ARHGEF16: variants seen among roughly 807,000 people sequenced by gnomAD.
The protein encoded by ARHGEF16 is Rho guanine nucleotide exchange factor 16, also known as Rho guanine exchange factor (GEF) 16.
Under a neutral mutation model 74.1 loss-of-function variants are expected in ARHGEF16, and 59 were observed. The ratio of observed to expected loss-of-function variants is 0.80; its 90% CI spans 0.65 to 0.99. ARHGEF16 has a LOEUF of 0.99. Ranked by LOEUF, ARHGEF16 falls within the 50% of genes least tolerant of loss-of-function variation. The pLI is 0.00. For synonymous variants in ARHGEF16, 415 were observed against 412.6 expected, an observed-to-expected ratio of 1.01 and a Z score of -0.07; for missense variants, 948 against 986.6, an observed-to-expected ratio of 0.96 and a Z score of 0.52.
intron 1 of ARHGEF16, among the ~76,000 whole-genome samples, chr1:3,457,594 G>T (rs11809264): frequency 6.6e-6 from 1 of 152,284 alleles, no homozygotes; most frequent in African/African-American, 2.4e-5. Flanking sequence ...GGAGGGCGGG[G>T]CTACAGAGCG....
chr1:3,455,672 G>C (rs1224580989), intron 1 of ARHGEF16, among the ~76,000 whole-genome samples: 1 of 152,150 alleles, frequency 6.6e-6, no homozygotes, highest in African/African-American at 2.4e-5. Context: ...TGGGGGCCTA[G>C]GGGGTGCGTG....
In ARHGEF16 at chr1:3,467,346, G is replaced by A. The variant is rs558060076; in HGVS notation, c.804+9G>A. 60 of 1,544,462 alleles carry A rather than the reference G, an allele frequency of 3.9e-5. No individual in the cohort carries two copies. The highest frequency in any genetic ancestry group is 2.3e-4 in the South Asian group (19 of 83,886). On this transcript the variant is annotated intron_variant, in intron 4 of 14. Coordinates refer to ENST00000378378, the MANE Select transcript of ARHGEF16 (RefSeq NM_014448.4). ...GGAGCCAGCTCCCAGAGGTAGCGCC[G>A]GAGGGTGGGTGAGGCTGCCCCACAG...
chr1:3,458,853 G>C (rs1639325512), intron 1 of ARHGEF16, among the ~76,000 whole-genome samples: 1 of 152,210 alleles, frequency 6.6e-6, no homozygotes, highest in African/African-American at 2.4e-5. Context: ...TAAAGCAAGA[G>C]CAGGATGCCA....
chr1:3,464,400 C>G (rs1157887377), intron 2 of ARHGEF16, among the ~76,000 whole-genome samples: 1 of 152,152 alleles, frequency 6.6e-6, no homozygotes, highest in South Asian at 2.1e-4. Context: ...GGGAGAGTTG[C>G]GTGGTACCTG....
rs556522799 is a variant in ARHGEF16 at position 3,463,325 on chromosome 1, C to G, written c.241C>G (p.Leu81Val). 1,218 of 1,550,116 alleles carry G rather than the reference C, an allele frequency of 7.9e-4. No homozygotes were observed. The highest frequency in any genetic ancestry group is 1.0e-3 in the Non-Finnish European group (1,168 of 1,146,904). The part of the protein sequence containing the change: ...IVLSTESPAA[L>V]KLGTQQLIPK... Reference sequence around the variant, plus strand: ...CCTGAGCACAGAGAGCCCGGCGGCCCTCAAGCTGGGCACCCAACAGCTGAT... The same window carrying G: ...CCTGAGCACAGAGAGCCCGGCGGCCGTCAAGCTGGGCACCCAACAGCTGAT... The change falls in exon 2 of 15, where the codon CTC (leucine) becomes GTC (valine). Residue 81 changes from leucine to valine, a missense_variant. Coordinates refer to ENST00000378378, the MANE Select transcript of ARHGEF16 (RefSeq NM_014448.4).
intron 2 of ARHGEF16, 127 bp from the exon 3 acceptor site, chr1:3,466,021 G>A (rs1176715183): frequency 1.2e-5 from 12 of 1,037,340 alleles, no homozygotes; most frequent in Non-Finnish European, 1.4e-5. Flanking sequence ...GCCCTGTGGA[G>A]CTGACATCTA....
At chr1:3,478,871 G>C (rs972041622) in intron 12 of ARHGEF16, among the ~76,000 whole-genome samples, 1 of 152,164 alleles carries the variant, frequency 6.6e-6, no homozygotes. Flanking sequence ...GAGGTGGGGG[G>C]TGGGGTGCGG....
At chr1:3,474,896 C>G in intron 9 of ARHGEF16, 114 bp downstream of exon 9, 1 of 905,628 alleles carries the variant, frequency 1.1e-6, no homozygotes, top group Non-Finnish European at 1.7e-6. Context: ...TCCAGGGCAG[C>G]GAGTGTTCTC....
intron 1 of ARHGEF16, among the ~76,000 whole-genome samples, chr1:3,456,622 C>T (rs143118041): frequency 2.9e-4 from 44 of 152,336 alleles, no homozygotes; most frequent in African/African-American, 9.6e-4. Flanking sequence ...ACCCACCTTC[C>T]AGAAGTTTGG....
intron 10 of ARHGEF16, 117 bp from the exon 11 acceptor site, chr1:3,477,758 C>A: frequency 1.1e-6 from 1 of 936,324 alleles, no homozygotes; most frequent in Non-Finnish European, 1.6e-6. Flanking sequence ...AGTCCAGAGG[C>A]AGGAGTCAGT....
chr1:3,460,943 A>G (rs1002823468), intron 1 of ARHGEF16, among the ~76,000 whole-genome samples: 1 of 130,384 alleles, frequency 7.7e-6, no homozygotes, highest in African/African-American at 4.7e-5. Flanking sequence ...CTGAGCAGGG[A>G]CAGAGGGGTG....
At chr1:3,472,979 T>C (rs2245539) in intron 6 of ARHGEF16, 99 bp from the exon 7 acceptor site, 116,363 of 1,253,540 alleles carry the variant, frequency 0.093, 6,192 homozygotes, top group East Asian at 0.24. Context: ...GCCACGTCCA[T>C]GTATGTGTGA....
In ARHGEF16 at chr1:3,463,691, G is replaced by A; in HGVS notation, c.588+19G>A. The A allele has an allele frequency of 7.2e-7, 1 of 1,387,284 alleles. No homozygotes were observed. The highest frequency in any genetic ancestry group is 9.4e-7 in the Non-Finnish European group (1 of 1,063,488). The allele number at this position is 1,387,284 out of a possible 1,614,324, so 85.9% of individuals were successfully genotyped here. A position where few individuals can be genotyped will look rare whatever the true frequency, so the allele number is the denominator to read the frequency against. On this transcript the variant is annotated intron_variant, in intron 2 of 14. Transcript: ENST00000378378. Reference sequence around the variant, plus strand: ...AAACAAGGTAGGGGCCTGCTCGTGTGGACCGTGGGGAGGGGGCTGCTAGGC... The same window carrying A: ...AAACAAGGTAGGGGCCTGCTCGTGTAGACCGTGGGGAGGGGGCTGCTAGGC...
At chr1:3,458,689 C>A (rs564409407) in intron 1 of ARHGEF16, among the ~76,000 whole-genome samples, 1 of 152,320 alleles carries the variant, frequency 6.6e-6, no homozygotes, top group African/African-American at 2.4e-5. Context: ...TTGAGGAAAG[C>A]CCTGTGCCTG....
intron 8 of ARHGEF16, chr1:3,473,963 C>T (rs1639810624): frequency 3.8e-6 from 1 of 264,974 alleles, no homozygotes; most frequent in Admixed American, 5.1e-5. Context: ...TGTGGGATGC[C>T]AGCCCACAGG....
intron 2 of ARHGEF16, among the ~76,000 whole-genome samples, 197 bp downstream of exon 2, chr1:3,463,869 A>G (rs1311545199): frequency 1.3e-5 from 2 of 152,250 alleles, no homozygotes; most frequent in African/African-American, 4.8e-5. Context: ...ATGAGGCAGC[A>G]GAGGCTCGGA....
rs2100745118 is a variant in ARHGEF16 at position 3,468,897 on chromosome 1, C to T, written c.822C>T (p.Ile274=). Residue 274 remains isoleucine, a synonymous_variant, in exon 5 of 15, where the codon ATC becomes ATT. Coordinates refer to ENST00000378378, the MANE Select transcript of ARHGEF16 (RefSeq NM_014448.4). ...SQLPEVVELG[I]LDQLSTEERK... ...CCCCCCAGGTGGTGGAATTGGGCAT[C>T]CTGGACCAGCTCTCCACTGAGGAGC... The T allele has an allele frequency of 1.9e-6, 3 of 1,550,432 alleles. No homozygotes were observed. Among genetic ancestry groups the T allele is most frequent in the Non-Finnish European group, 2.6e-6 (3 of 1,146,874 alleles).
chr1:3,466,414 G>A (rs1401436320), intron 3 of ARHGEF16, among the ~76,000 whole-genome samples: 1 of 152,158 alleles, frequency 6.6e-6, no homozygotes, highest in Non-Finnish European at 1.5e-5. Flanking sequence ...TATTCTGTGT[G>A]TTCTGAAGGG....
rs939013550 is a variant in ARHGEF16 at position 3,480,762 on chromosome 1, A to G, written c.*175A>G. 1.8e-5 allele frequency: 17 copies of G among 926,880 alleles called. No individual in the cohort carries two copies. In the Admixed American group the frequency reaches 4.4e-4, roughly 24 times the overall value. 57.4% of individuals were successfully genotyped at this position (926,880 alleles called of 1,614,324 possible). ...AGACACTTCACGGAAGGAAGATCAC[A>G]TGTCCCCAGAGAGGCACCCCCAGGC... On this transcript the variant is annotated 3_prime_UTR_variant, in exon 15 of 15. Coordinates refer to ENST00000378378, the MANE Select transcript of ARHGEF16 (RefSeq NM_014448.4).
Sources: allele counts gnomAD v4.1 joint callset (sites outside exome capture counted in the v4.1 genomes callset), GRCh38; gene constraint gnomAD v4.1.1; transcripts MANE v1.5; gene names NCBI Gene and HGNC (gene_info 2026-07-23, HGNC 2026-07-21).